Variants in MCTP2 observed in about 807,000 individuals in gnomAD.
MCTP2 encodes multiple C2 and transmembrane domain containing 2.
Under a neutral mutation model 111.6 loss-of-function variants are expected in MCTP2, and 132 were observed. The observed-to-expected ratio is 1.18, with a 90% CI of 1.03 to 1.37. The LOEUF (loss-of-function observed/expected upper bound fraction) is 1.37, where lower values mean the gene tolerates loss of function less well. MCTP2 is among the 40% of genes most tolerant of loss of function. The probability of loss-of-function intolerance (pLI) is 0.00; values close to 1 mark genes in which losing one functional copy is unlikely to be tolerated. For synonymous variants in MCTP2, 395 were observed against 387.7 expected, an observed-to-expected ratio of 1.02 and a Z score of -0.22; for missense variants, 1,183 against 1,067.9, an observed-to-expected ratio of 1.11 and a Z score of -1.50.
At chr15:94,314,778 C>T (rs781060380) in intron 3 of MCTP2, 20 of 457,172 alleles carry the variant, frequency 4.4e-5, no homozygotes, top group South Asian at 3.1e-5. Flanking sequence ...TCATGTAATA[C>T]ATATTCAAAA....
In MCTP2 at chr15:94,481,553, A is replaced by G. The variant is rs911453981; in HGVS notation, c.*2519A>G. 8.5e-5 allele frequency: 13 copies of G among 152,226 alleles called. No individual in the cohort carries two copies. The highest frequency in any genetic ancestry group is 2.9e-4 in the African/African-American group (12 of 41,434). 9.4% of individuals were successfully genotyped at this position (152,226 alleles called of 1,614,324 possible). A position where few individuals can be genotyped will look rare whatever the true frequency, so the allele number is the denominator to read the frequency against. ...TTATGCCTAGTTAATCTTCATTCAG[A>G]CTGGAAGGACCTGCCCCCAGTTGTT... On this transcript the variant is annotated 3_prime_UTR_variant, in exon 23 of 23. Transcript: ENST00000357742.
chr15:94,461,758 G>A (rs944883221), intron 20 of MCTP2, among the ~76,000 whole-genome samples: 5 of 152,162 alleles, frequency 3.3e-5, no homozygotes, highest in African/African-American at 1.2e-4. Context: ...AGATGGGCAA[G>A]CAGGTTAAGT....
intron 17 of MCTP2, among the ~76,000 whole-genome samples, chr15:94,432,495 A>G (rs887418249): frequency 6.6e-6 from 1 of 152,150 alleles, no homozygotes; most frequent in Non-Finnish European, 1.5e-5. Flanking sequence ...AATAATGGCC[A>G]TGTTGGCTAG....
At chr15:94,370,257 C>A in intron 12 of MCTP2, 77 bp downstream of exon 12, 1 of 1,172,962 alleles carries the variant, frequency 8.5e-7, no homozygotes, top group Non-Finnish European at 1.2e-6. Context: ...AAGCAAAATG[C>A]TTAATAAGCA....
rs1207365601 is a variant in MCTP2 at position 94,483,938 on chromosome 15, TTG to T, written c.*4905_*4906del. ...AACAGTTGAAAAATTAAAATAAAAA[TTG>T]CCTGAAAATGCATTGAGTAGTAACT... On this transcript the variant is annotated 3_prime_UTR_variant, in exon 23 of 23. Coordinates refer to ENST00000357742, the MANE Select transcript of MCTP2 (RefSeq NM_001385001.1). 0.012 allele frequency: 1,778 copies of T among 152,260 alleles called. 37 individuals carry two copies. The highest frequency in any genetic ancestry group is 0.04 in the African/African-American group (1,659 of 41,548). 9.4% of individuals were successfully genotyped at this position (152,260 alleles called of 1,614,324 possible). A position where few individuals can be genotyped will look rare whatever the true frequency, so the allele number is the denominator to read the frequency against.
chr15:94,275,446 A>G (rs1318313422), intron 1 of MCTP2, among the ~76,000 whole-genome samples: 1 of 152,220 alleles, frequency 6.6e-6, no homozygotes, highest in Non-Finnish European at 1.5e-5. Context: ...TTTATATGCT[A>G]GTAATAAAGA....
At chr15:94,459,551 GA>G (rs1157034519) in intron 20 of MCTP2, among the ~76,000 whole-genome samples, 3 of 152,024 alleles carry the variant, frequency 2.0e-5, no homozygotes, top group Non-Finnish European at 4.4e-5. Flanking sequence ...AATATCTTAA[GA>G]AAAAAATAAT....
intron 12 of MCTP2, among the ~76,000 whole-genome samples, chr15:94,378,954 T>G (rs1387413862): frequency 1.3e-5 from 2 of 152,234 alleles, no homozygotes; most frequent in African/African-American, 4.8e-5. Context: ...ACAGCAGGCA[T>G]TATAATGTCC....
intron 8 of MCTP2, among the ~76,000 whole-genome samples, chr15:94,348,811 T>A (rs1479327096): frequency 6.6e-6 from 1 of 152,046 alleles, no homozygotes; most frequent in Non-Finnish European, 1.5e-5. Flanking sequence ...TTTTTGTTTG[T>A]TGTACTGTTT....
At chr15:94,370,062 CT>C in intron 11 of MCTP2, 24 bp from the exon 12 acceptor site, 1 of 1,563,536 alleles carries the variant, frequency 6.4e-7, no homozygotes, top group Non-Finnish European at 8.7e-7. Flanking sequence ...GCTGTTTTCA[CT>C]TGTATCACCT....
At chr15:94,267,172 T>C (rs1231373506) in intron 1 of MCTP2, among the ~76,000 whole-genome samples, 19 of 152,220 alleles carry the variant, frequency 1.2e-4, no homozygotes, top group Non-Finnish European at 1.5e-5. Flanking sequence ...GCAATCATAA[T>C]GTAGGTGGTT....
intron 10 of MCTP2, among the ~76,000 whole-genome samples, chr15:94,361,084 G>GTTTTTT (rs67774490): frequency 3.6e-4 from 3 of 8,414 alleles, no homozygotes; most frequent in Non-Finnish European, 5.2e-4. Flanking sequence ...AATATTTCAA[G>GTTTTTT]TTTTTTTTTT....
intron 17 of MCTP2, among the ~76,000 whole-genome samples, chr15:94,415,580 T>G (rs1009735712): frequency 7.2e-5 from 11 of 152,138 alleles, no homozygotes; most frequent in African/African-American, 2.7e-4. Flanking sequence ...TAGGTTATTA[T>G]TTCAGCTAAA....
chr15:94,461,143 T>C (rs1444475453), intron 20 of MCTP2, among the ~76,000 whole-genome samples: 5 of 152,182 alleles, frequency 3.3e-5, no homozygotes, highest in Non-Finnish European at 5.9e-5. Context: ...TATGTATATA[T>C]GAAGCCAAAA....
chr15:94,308,945 C>G (rs780892392), intron 2 of MCTP2, among the ~76,000 whole-genome samples: 1 of 152,146 alleles, frequency 6.6e-6, no homozygotes, highest in Non-Finnish European at 1.5e-5. Flanking sequence ...CACACACACA[C>G]GATTCAGATT....
intron 1 of MCTP2, among the ~76,000 whole-genome samples, chr15:94,270,400 T>A (rs564720025): frequency 2.0e-5 from 3 of 152,358 alleles, no homozygotes; most frequent in African/African-American, 7.2e-5. Flanking sequence ...GACCAGATGC[T>A]TAGTAGGAAC....
At chr15:94,327,370 A>G (rs1006308435) in intron 4 of MCTP2, among the ~76,000 whole-genome samples, 2 of 152,232 alleles carry the variant, frequency 1.3e-5, no homozygotes, top group African/African-American at 4.8e-5. Context: ...TTAAGTATAC[A>G]TTAAATTGCA....
At chr15:94,275,224 CT>C (rs1020611453) in intron 1 of MCTP2, among the ~76,000 whole-genome samples, 9 of 152,044 alleles carry the variant, frequency 5.9e-5, no homozygotes, top group Admixed American at 5.9e-4. Flanking sequence ...TTTTAAGATT[CT>C]TTTGAGAGTG....
chr15:94,250,869 T>G (rs2072366482), intron 1 of MCTP2, among the ~76,000 whole-genome samples: 1 of 152,212 alleles, frequency 6.6e-6, no homozygotes, highest in Non-Finnish European at 1.5e-5. Context: ...AAATGTGAAT[T>G]GGTGTTGGGT....
Sources: gnomAD v4.1 joint callset for allele counts (sites outside exome capture counted in the v4.1 genomes callset) on GRCh38, gnomAD v4.1.1 for gene constraint, MANE v1.5 for transcripts, NCBI Gene and HGNC (gene_info 2026-07-23, HGNC 2026-07-21) for gene names.